The following FSTL4 variants were observed in gnomAD, a reference collection of about 807,000 sequenced individuals.
FSTL4 encodes follistatin-related protein 4.
Under a neutral mutation model 78.2 loss-of-function variants are expected in FSTL4, and 28 were observed. That is an observed-to-expected ratio of 0.36 (90% CI 0.27 to 0.49). FSTL4 has a LOEUF of 0.49. FSTL4 is among the 20% of genes least tolerant of loss of function. FSTL4 has a pLI of 0.98. For synonymous variants in FSTL4, 422 were observed against 440.5 expected (o/e 0.96, Z 0.53); for missense variants, 922 against 1,084.9 (o/e 0.85, Z 2.11).
chr5:133,241,722 G>A (rs1751879101), intron 7 of FSTL4, among the ~76,000 whole-genome samples: 1 of 152,158 alleles, frequency 6.6e-6, no homozygotes, highest in Non-Finnish European at 1.5e-5. Flanking sequence ...GCAGTCATCT[G>A]AAGTTCCAGA....
At position 133,312,653 on chromosome 5, in the gene FSTL4, C is replaced by T. The variant is rs1039239148; in HGVS notation, c.727+1G>A. On this transcript the variant is annotated splice_donor_variant, in intron 6 of 15. Coordinates refer to ENST00000265342, the MANE Select transcript of FSTL4 (RefSeq NM_015082.2). LOFTEE classifies it high-confidence loss of function. ...CCTTTTCCCACTGGGACCCAACTTACGGAAGGCCATGTAGAACTCGCGGAG... is the reference window on the plus strand; with the variant it reads ...CCTTTTCCCACTGGGACCCAACTTATGGAAGGCCATGTAGAACTCGCGGAG... The T allele has an allele frequency of 3.7e-6, 6 of 1,613,866 alleles. No individual in the cohort carries two copies. Among genetic ancestry groups the T allele is most frequent in the Non-Finnish European group, 5.1e-6 (6 of 1,179,872 alleles).
chr5:133,378,970 G>A (rs940155209), intron 4 of FSTL4, among the ~76,000 whole-genome samples: 1 of 152,130 alleles, frequency 6.6e-6, no homozygotes, highest in African/African-American at 2.4e-5. Flanking sequence ...TCAAAAGGCA[G>A]AGATTTTCAG....
intron 3 of FSTL4, among the ~76,000 whole-genome samples, chr5:133,561,112 A>AATG (rs1254732457): frequency 6.8e-6 from 1 of 146,898 alleles, no homozygotes; most frequent in Non-Finnish European, 1.5e-5. Flanking sequence ...TAATAATAAT[A>AATG]ATAATAATAA....
intron 2 of FSTL4, among the ~76,000 whole-genome samples, chr5:133,570,251 T>C (rs1243072164): frequency 6.6e-6 from 1 of 152,082 alleles, no homozygotes; most frequent in Non-Finnish European, 1.5e-5. Context: ...ACCAACTTTA[T>C]GTAATGAATT....
chr5:133,385,273 T>A (rs1310624412), intron 4 of FSTL4, among the ~76,000 whole-genome samples: 1 of 152,236 alleles, frequency 6.6e-6, no homozygotes, highest in Admixed American at 6.5e-5. Flanking sequence ...GAATCACAGA[T>A]CTTTCTATGA....
At chr5:133,228,878 A>C (rs1429649229) in intron 8 of FSTL4, among the ~76,000 whole-genome samples, 1 of 152,264 alleles carries the variant, frequency 6.6e-6, no homozygotes, top group Non-Finnish European at 1.5e-5. Context: ...CCAATGTCAC[A>C]CTGGATGTTG....
At position 133,611,676 on chromosome 5, in the gene FSTL4, CGCA is replaced by C. The variant is rs1168361640; in HGVS notation, c.-11+646_-11+648del. Among the ~76,000 whole-genome samples, 2 of 152,210 alleles carry C rather than the reference CGCA, an allele frequency of 1.3e-5. No homozygotes were observed. Among genetic ancestry groups the C allele is most frequent in the Non-Finnish European group, 2.9e-5 (2 of 68,032 alleles). On this transcript the variant is annotated intron_variant, in intron 1 of 15. Transcript: ENST00000265342. The surrounding 1 kb of genome is among the most constrained non-coding windows in gnomAD (Gnocchi z 4.9). ...GCGGCCGGCTACGCACAAGCAGCGC[CGCA>C]GGCTGCCTGGAGTCGGGTCGTGCCC...
chr5:133,742,288 T>C, the FSTL4 span, among the ~76,000 whole-genome samples: 1 of 152,170 alleles, frequency 6.6e-6, no homozygotes, highest in Non-Finnish European at 1.5e-5. Flanking sequence ...CCATCAAAAG[T>C]GTCATCTCAT....
chr5:133,279,679 T>C (rs1240401144), intron 6 of FSTL4, among the ~76,000 whole-genome samples: 1 of 152,210 alleles, frequency 6.6e-6, no homozygotes, highest in African/African-American at 2.4e-5. Context: ...CGTCAGGGCA[T>C]GAGGCAGGGT....
chr5:133,294,666 C>T (rs1753347110), intron 6 of FSTL4, among the ~76,000 whole-genome samples: 1 of 152,184 alleles, frequency 6.6e-6, no homozygotes, highest in Non-Finnish European at 1.5e-5. Context: ...ACTGTCATTA[C>T]AAATTATAGC....
At chr5:133,607,499 G>C (rs1273117245) in intron 1 of FSTL4, among the ~76,000 whole-genome samples, 3 of 152,108 alleles carry the variant, frequency 2.0e-5, no homozygotes, top group Admixed American at 2.0e-4. Context: ...AGAGGAGATG[G>C]GGTCACAGAG....
intron 13 of FSTL4, among the ~76,000 whole-genome samples, chr5:133,216,124 A>G (rs1231415189): frequency 1.3e-5 from 2 of 152,194 alleles, no homozygotes; most frequent in African/African-American, 4.8e-5. Flanking sequence ...TTAAAAGACA[A>G]CTTAAATCCT....
chr5:133,232,143 T>C (rs1751512032), intron 8 of FSTL4, among the ~76,000 whole-genome samples: 1 of 152,178 alleles, frequency 6.6e-6, no homozygotes, highest in Admixed American at 6.5e-5. Context: ...ATGCAAGAGG[T>C]TTACCCAAAG....
chr5:133,204,009 T>A (rs1178540132), intron 14 of FSTL4, among the ~76,000 whole-genome samples: 1 of 152,172 alleles, frequency 6.6e-6, no homozygotes, highest in African/African-American at 2.4e-5. Flanking sequence ...TTTGCTGCCG[T>A]ATGGGCTTGG....
rs112937638 is a variant in FSTL4, at chr5:133,372,245, C to G, written c.409+28493G>C. Among the ~76,000 whole-genome samples, 935 of 140,196 alleles carry G rather than the reference C, an allele frequency of 6.7e-3. 12 individuals carry two copies. The highest frequency in any genetic ancestry group is 0.021 in the African/African-American group (792 of 37,028). 92.0% of individuals were successfully genotyped at this position (140,196 alleles called of 152,430 possible). ...TCTATGTATCTATGTATCTATGTAT[C>G]TATGTATGTATGTATGTATGTATGT... On this transcript the variant is annotated intron_variant, in intron 4 of 15. Transcript: ENST00000265342.
chr5:133,401,005 C>T lies in FSTL4; in HGVS notation c.161-19G>A. 6.2e-7 allele frequency: 1 copy of T among 1,612,328 alleles called. No homozygotes were observed. The highest frequency in any genetic ancestry group is 8.5e-7 in the Non-Finnish European group (1 of 1,179,794). On this transcript the variant is annotated intron_variant, in intron 3 of 15. Coordinates refer to ENST00000265342, the MANE Select transcript of FSTL4 (RefSeq NM_015082.2). Reference sequence around the variant, plus strand: ...GAAAGCCCTGCCAGACACACAAACACAGAGGGTCAGCTGTAAACACTCAGA... The same window carrying T: ...GAAAGCCCTGCCAGACACACAAACATAGAGGGTCAGCTGTAAACACTCAGA...
At chr5:133,820,123 G>A in the FSTL4 span, among the ~76,000 whole-genome samples, 4 of 152,296 alleles carry the variant, frequency 2.6e-5, no homozygotes, top group Non-Finnish European at 4.4e-5. Context: ...GGTTGCAGTC[G>A]CAGAGGCCTG....
At position 133,225,521 on chromosome 5, in the gene FSTL4, G is replaced by T; in HGVS notation, c.1177+137C>A. ...AAGATCTGTGTGAGCCCAGATAACA[G>T]GGAAATTTGGGAGCCATCTGTTCAC... On this transcript the variant is annotated intron_variant, in intron 9 of 15. Coordinates refer to ENST00000265342, the MANE Select transcript of FSTL4 (RefSeq NM_015082.2). This position sits in a 1 kb window ranked among gnomAD's most constrained non-coding sequence, Gnocchi z 4.6. 1 of 892,254 alleles carries T rather than the reference G, an allele frequency of 1.1e-6. No individual in the cohort carries two copies. Among genetic ancestry groups the T allele is most frequent in the African/African-American group, 1.7e-5 (1 of 59,992 alleles). 55.3% of individuals were successfully genotyped at this position (892,254 alleles called of 1,614,324 possible). A position where few individuals can be genotyped will look rare whatever the true frequency, so the allele number is the denominator to read the frequency against.
At chr5:133,501,766 G>A (rs576554449) in intron 3 of FSTL4, among the ~76,000 whole-genome samples, 1 of 152,308 alleles carries the variant, frequency 6.6e-6, no homozygotes, top group African/African-American at 2.4e-5. Flanking sequence ...CTTCAAAAAG[G>A]TATGTTGAAG....
Sources: allele counts gnomAD v4.1 joint callset (sites outside exome capture counted in the v4.1 genomes callset), GRCh38; gene constraint gnomAD v4.1.1; non-coding constraint Gnocchi (gnomAD v3.1); transcripts MANE v1.5; gene names NCBI Gene and HGNC (gene_info 2026-07-23, HGNC 2026-07-21).